Variants in RPP40 observed in about 807,000 individuals in gnomAD.
RPP40 encodes the protein ribonuclease P protein subunit p40.
Under a neutral mutation model 42.5 loss-of-function variants are expected in RPP40, and 30 were observed. That is an observed-to-expected ratio of 0.71 (90% CI 0.53 to 0.96). The LOEUF (loss-of-function observed/expected upper bound fraction) is 0.96. Ranked by LOEUF, RPP40 falls within the 40% of genes least tolerant of loss-of-function variation. RPP40 has a pLI of 0.00. For synonymous variants in RPP40, 173 were observed against 164.0 expected (o/e 1.05, Z -0.42); for missense variants, 426 against 433.5 (o/e 0.98, Z 0.15).
intron 7 of RPP40, among the ~76,000 whole-genome samples, chr6:4,995,594 A>T (rs1440859663): frequency 1.3e-5 from 2 of 152,232 alleles, no homozygotes; most frequent in African/African-American, 2.4e-5. Context: ...TATTAAGAGT[A>T]CTGTTCTCAG....
chr6:4,999,010 T>C (rs994729846), intron 4 of RPP40, among the ~76,000 whole-genome samples, 169 bp from the exon 5 acceptor site: 1 of 152,236 alleles, frequency 6.6e-6, no homozygotes. Flanking sequence ...AAGATCCCTT[T>C]GGTGGGCACT....
chr6:5,003,974 G>A lies in RPP40; in HGVS notation c.29C>T (p.Ala10Val), dbSNP rs1202090445. The A allele has an allele frequency of 1.9e-6, 3 of 1,611,802 alleles. No individual in the cohort carries two copies. Among genetic ancestry groups the A allele is most frequent in the Admixed American group, 1.7e-5 (1 of 59,968 alleles). The change falls in exon 1 of 8, where the codon GCG (alanine) becomes GTG (valine). Residue 10 changes from alanine to valine, a missense_variant. Ala to Val is a moderately conservative substitution (Grantham distance 64, BLOSUM62 0). Coordinates refer to ENST00000380051, the MANE Select transcript of RPP40 (RefSeq NM_006638.4). MATLRRLRE[A>V]PRHLLVCEKS... ...CTCGCAAACCAGTAAGTGCCGCGGC[G>A]CCTCCCGAAGCCGGCGCAGCGTGGC...
the RPP40 span, among the ~76,000 whole-genome samples, chr6:4,988,706 T>G: frequency 6.6e-6 from 1 of 152,256 alleles, no homozygotes; most frequent in East Asian, 1.9e-4. Flanking sequence ...CACAATTTGC[T>G]TAACCATTCA....
At chr6:5,001,106 G>A (rs544132936) in intron 2 of RPP40, 6 of 456,788 alleles carry the variant, frequency 1.3e-5, no homozygotes, top group East Asian at 1.4e-4. Context: ...TTGGGGATGC[G>A]CGGAGAGGGG....
chr6:5,000,562 C>T lies in RPP40; in HGVS notation c.337+1G>A. On this transcript the variant is annotated splice_donor_variant, in intron 3 of 7. Transcript: ENST00000380051. LOFTEE classifies it high-confidence loss of function. Reference sequence around the variant, plus strand: ...AGAAAGATGAAAAAATAAAGTGTTACCATTTGGTAGCAGGGCAACAGTATT... The same window carrying T: ...AGAAAGATGAAAAAATAAAGTGTTATCATTTGGTAGCAGGGCAACAGTATT... 1 of 1,455,476 alleles carries T rather than the reference C, an allele frequency of 6.9e-7. No homozygotes were observed. Among genetic ancestry groups the T allele is most frequent in the Non-Finnish European group, 9.6e-7 (1 of 1,045,034 alleles). 90.2% of individuals were successfully genotyped at this position (1,455,476 alleles called of 1,614,324 possible).
At chr6:5,000,198 T>C (rs1759507081) in intron 3 of RPP40, among the ~76,000 whole-genome samples, 1 of 151,078 alleles carries the variant, frequency 6.6e-6, no homozygotes, top group Non-Finnish European at 1.5e-5. Flanking sequence ...AATATCTTCT[T>C]TTTTTTTTTC....
Position 5,002,145 on chromosome 6 carries a change from T to C in RPP40, c.224A>G (p.His75Arg), listed in dbSNP as rs770555822. The change falls in exon 2 of 8, where the codon CAT becomes CGT. Residue 75 changes from histidine to arginine, a missense_variant. Coordinates refer to ENST00000380051, the MANE Select transcript of RPP40 (RefSeq NM_006638.4). ...PYYFVKNLPL[H>R]ELITPEFIST... ...GATGAATTCAGGTGTAATTAATTCATGAAGAGGTAAATTCTTCACAAAGTA... is the reference window on the plus strand; with the variant it reads ...GATGAATTCAGGTGTAATTAATTCACGAAGAGGTAAATTCTTCACAAAGTA... 2.5e-6 allele frequency: 4 copies of C among 1,612,982 alleles called. No homozygotes were observed. The highest frequency in any genetic ancestry group is 2.7e-5 in the African/African-American group (2 of 74,906).
At position 5,004,009 on chromosome 6, in the gene RPP40, C is replaced by T. The variant is rs373733434; in HGVS notation, c.-7G>A. On this transcript the variant is annotated 5_prime_UTR_variant, in exon 1 of 8. Transcript: ENST00000380051. Reference sequence around the variant, plus strand: ...GCCGGCGCAGCGTGGCCATGCTCTCCTGGGTTCCTGGTCCTCCCGGCCTCC... The same window carrying T: ...GCCGGCGCAGCGTGGCCATGCTCTCTTGGGTTCCTGGTCCTCCCGGCCTCC... The T allele has an allele frequency of 1.9e-6, 3 of 1,598,878 alleles. No homozygotes were observed. The highest frequency in any genetic ancestry group is 2.6e-6 in the Non-Finnish European group (3 of 1,172,600).
In RPP40 at chr6:4,998,816, T is replaced by A; in HGVS notation, c.459A>T (p.Leu153Phe). The A allele has an allele frequency of 2.7e-6, 4 of 1,463,170 alleles. No individual in the cohort carries two copies. Among genetic ancestry groups the A allele is most frequent in the Non-Finnish European group, 3.7e-6 (4 of 1,070,832 alleles). The allele number at this position is 1,463,170 out of a possible 1,614,324, so 90.6% of individuals were successfully genotyped here. The change falls in exon 5 of 8, where the codon TTA (leucine) becomes TTT (phenylalanine). Residue 153 changes from leucine to phenylalanine, a missense_variant. By Grantham distance (22) the Leu-to-Phe change is conservative. Transcript: ENST00000380051. ...ACTTCTTAGAATCCAAGTTTAAGGA[T>A]AATTCCATCAAATCAATGGAAACAA... Reference protein sequence around the residue: ...KFIVSIDLMELSLNLDSKKYE... With the variant: ...KFIVSIDLMEFSLNLDSKKYE...
At chr6:4,989,473 C>G in the RPP40 span, among the ~76,000 whole-genome samples, 1 of 148,628 alleles carries the variant, frequency 6.7e-6, no homozygotes, top group African/African-American at 2.5e-5. Context: ...CACACATAGG[C>G]TGCTGGGATT....
rs760957327 is a variant in RPP40, at chr6:5,002,165, AAAGT to A, written c.200_203del (p.Tyr67LeufsTer2). ...ATTCATGAAGAGGTAAATTCTTCACAAAGTAATAGGGTCCAGTGTTCATGACCAG... is the reference window on the plus strand; with the variant it reads ...ATTCATGAAGAGGTAAATTCTTCACAAATAGGGTCCAGTGTTCATGACCAG... On this transcript the variant is annotated frameshift_variant, in exon 2 of 8. Coordinates refer to ENST00000380051, the MANE Select transcript of RPP40 (RefSeq NM_006638.4). LOFTEE classifies it high-confidence loss of function. 2.0e-5 allele frequency: 33 copies of A among 1,611,350 alleles called. No individual in the cohort carries two copies. The highest frequency in any genetic ancestry group is 2.7e-5 in the Non-Finnish European group (32 of 1,177,470).
At chr6:4,999,445 T>C (rs1759480980) in intron 4 of RPP40, among the ~76,000 whole-genome samples, 1 of 152,004 alleles carries the variant, frequency 6.6e-6, no homozygotes, top group Non-Finnish European at 1.5e-5. Flanking sequence ...ACTACAGGCA[T>C]GCGCCACCAC....
chr6:4,997,693 G>A (rs1377292954), intron 5 of RPP40, among the ~76,000 whole-genome samples: 1 of 152,028 alleles, frequency 6.6e-6, no homozygotes, highest in Non-Finnish European at 1.5e-5. Flanking sequence ...CTTTCTCTCT[G>A]GAGAACCCTG....
intron 2 of RPP40, among the ~76,000 whole-genome samples, chr6:5,000,879 CT>C (rs1429576513): frequency 6.7e-6 from 1 of 149,642 alleles, no homozygotes; most frequent in African/African-American, 2.5e-5. Context: ...GAAGACAAAG[CT>C]TGCAGAAGAC....
intron 5 of RPP40, among the ~76,000 whole-genome samples, chr6:4,996,902 G>C (rs1759401132): frequency 6.6e-6 from 1 of 152,164 alleles, no homozygotes; most frequent in African/African-American, 2.4e-5. Flanking sequence ...CAACGGCCTT[G>C]GAAGACAGAG....
chr6:5,003,744 CA>C, intron 1 of RPP40, 135 bp downstream of exon 1: 1 of 1,163,632 alleles, frequency 8.6e-7, no homozygotes. Flanking sequence ...CTACAACTCC[CA>C]GCAAGCCGGG....
chr6:4,988,613 A>G, the RPP40 span, among the ~76,000 whole-genome samples: 1 of 152,150 alleles, frequency 6.6e-6, no homozygotes, highest in Non-Finnish European at 1.5e-5. Context: ...TTTTCACTCC[A>G]TATAATTCCC....
downstream of RPP40, among the ~76,000 whole-genome samples, chr6:4,992,433 G>C (rs1467652738): frequency 6.6e-6 from 1 of 151,138 alleles, no homozygotes; most frequent in Non-Finnish European, 1.5e-5. Context: ...TTCTTTATAA[G>C]CTACCCAGTC....
chr6:4,996,496 C>A, intron 5 of RPP40, 76 bp from the exon 6 acceptor site: 1 of 1,329,220 alleles, frequency 7.5e-7, no homozygotes. Context: ...CCTGAACCCA[C>A]CCATTCCCAT....
Sources: allele counts gnomAD v4.1 joint callset (sites outside exome capture counted in the v4.1 genomes callset), GRCh38; gene constraint gnomAD v4.1.1; transcripts MANE v1.5; gene names NCBI Gene and HGNC (gene_info 2026-07-23, HGNC 2026-07-21).